Variants in MARCHF4 observed in about 807,000 individuals in gnomAD.
MARCHF4 encodes the protein membrane associated ring-CH-type finger 4, also known as E3 ubiquitin-protein ligase MARCHF4.
A neutral mutation model predicts 43.9 loss-of-function variants in MARCHF4; 14 were observed. The ratio of observed to expected loss-of-function variants is 0.32; its 90% CI spans 0.21 to 0.50. MARCHF4 has a LOEUF of 0.50. MARCHF4 is among the 20% of genes least tolerant of loss of function. The probability of loss-of-function intolerance (pLI) is 0.98; values close to 1 mark genes in which losing one functional copy is unlikely to be tolerated. For synonymous variants in MARCHF4, 226 were observed against 213.3 expected, an observed-to-expected ratio of 1.06 and a Z score of -0.52; for missense variants, 468 against 536.7, an observed-to-expected ratio of 0.87 and a Z score of 1.27.
chr2:216,359,246 C>T (rs957938693), intron 1 of MARCHF4, among the ~76,000 whole-genome samples: 1 of 152,202 alleles, frequency 6.6e-6, no homozygotes, highest in Non-Finnish European at 1.5e-5. Flanking sequence ...CTACCTCTGC[C>T]ATGGGTGACA....
chr2:216,283,641 C>CTTGATG lies in MARCHF4; in HGVS notation c.604_605insCATCAA (p.Cys202delinsSerSerSer). 1 of 1,613,776 alleles carries CTTGATG rather than the reference C, an allele frequency of 6.2e-7. No individual in the cohort carries two copies. The highest frequency in any genetic ancestry group is 8.5e-7 in the Non-Finnish European group (1 of 1,179,662). ...GTAGTAGCACAGCTCGCAGCTCCAG[C>CTTGATG]AGCCCCGCTCGCTGATCCACTTGAT... On this transcript the variant is annotated protein_altering_variant, in exon 2 of 4. Coordinates refer to ENST00000273067, the MANE Select transcript of MARCHF4 (RefSeq NM_020814.3).
Position 216,259,238 on chromosome 2 carries a change from G to A in MARCHF4, c.*74C>T. On this transcript the variant is annotated 3_prime_UTR_variant, in exon 4 of 4. Transcript: ENST00000273067. ...TGCCTGCTCCCTCTGTTGGCTCTGG[G>A]GGTGCCACTGCACCTCCCCACCCTG... is the stretch of plus-strand genomic sequence containing the variant. 6.7e-7 allele frequency: 1 copy of A among 1,491,116 alleles called. No individual in the cohort carries two copies. The highest frequency in any genetic ancestry group is 1.4e-5 in the South Asian group (1 of 69,090). The allele number at this position is 1,491,116 out of a possible 1,614,324, so 92.4% of individuals were successfully genotyped here. A position where few individuals can be genotyped will look rare whatever the true frequency, so the allele number is the denominator to read the frequency against.
In MARCHF4 at chr2:216,316,367, T is replaced by C. The variant is rs576394497; in HGVS notation, c.517-32638A>G. On this transcript the variant is annotated intron_variant, in intron 1 of 3. Coordinates refer to ENST00000273067, the MANE Select transcript of MARCHF4 (RefSeq NM_020814.3). ...ACGCCCCTTTCTAAAACGGAGGCCC[T>C]ATCTTCCTCCTAGTCCCTCTTGAAC... Among the ~76,000 whole-genome samples the C allele has an allele frequency of 1.8e-3, 272 of 152,298 alleles. 1 individual carries two copies. The highest frequency in any genetic ancestry group is 6.2e-3 in the African/African-American group (258 of 41,566).
At chr2:216,272,291 C>G (rs1223020123) in intron 3 of MARCHF4, among the ~76,000 whole-genome samples, 3 of 152,174 alleles carry the variant, frequency 2.0e-5, no homozygotes, top group South Asian at 4.1e-4. Flanking sequence ...CTCAATTTCT[C>G]AGGCTTCTCT....
intron 1 of MARCHF4, among the ~76,000 whole-genome samples, chr2:216,309,165 C>A (rs1417661780): frequency 6.6e-6 from 1 of 152,178 alleles, no homozygotes; most frequent in Non-Finnish European, 1.5e-5. Flanking sequence ...TCCCATGACA[C>A]TTTAAAGACG....
At chr2:216,369,448 G>A (rs114628161) in intron 1 of MARCHF4, among the ~76,000 whole-genome samples, 3 of 152,140 alleles carry the variant, frequency 2.0e-5, no homozygotes, top group East Asian at 1.9e-4. Context: ...TCTTCACTCC[G>A]TTGTTTCTAG....
At chr2:216,368,257 C>T (rs1692697710) in intron 1 of MARCHF4, among the ~76,000 whole-genome samples, 1 of 152,190 alleles carries the variant, frequency 6.6e-6, no homozygotes, top group African/African-American at 2.4e-5. Flanking sequence ...GAGGCACCCT[C>T]TTGTTGTCAG....
intron 1 of MARCHF4, among the ~76,000 whole-genome samples, chr2:216,290,403 G>A (rs1289547345): frequency 1.3e-5 from 2 of 152,214 alleles, no homozygotes; most frequent in African/African-American, 4.8e-5. Flanking sequence ...TGTCTCTGGG[G>A]TAGAGTAGTT....
At chr2:216,326,809 T>G (rs1691999832) in intron 1 of MARCHF4, among the ~76,000 whole-genome samples, 1 of 97,776 alleles carries the variant, frequency 1.0e-5, no homozygotes. Flanking sequence ...TGAGGACTGT[T>G]GTGGGGTGGA....
chr2:216,356,221 T>C (rs1692500651), intron 1 of MARCHF4, among the ~76,000 whole-genome samples: 1 of 152,246 alleles, frequency 6.6e-6, no homozygotes, highest in South Asian at 2.1e-4. Flanking sequence ...TCCTTAACTC[T>C]GTTTAGATGC....
At chr2:216,354,919 CTTTCTTTCTTTCTTTCTTTCTTTCTTT>C (rs1692465792) in intron 1 of MARCHF4, among the ~76,000 whole-genome samples, 2 of 114,852 alleles carry the variant, frequency 1.7e-5, no homozygotes, top group Middle Eastern at 3.7e-3. Flanking sequence ...TTCTTTCTTT[CTTTCTTTCTTTCTTTCTTTCTTTCTTT>C]CTTTCTTTCT....
chr2:216,324,182 A>G (rs2105966020), intron 1 of MARCHF4, among the ~76,000 whole-genome samples: 1 of 147,982 alleles, frequency 6.8e-6, no homozygotes, highest in East Asian at 2.0e-4. Context: ...GAATACTACA[A>G]ACACCTCTAT....
chr2:216,276,167 G>C (rs113166915), intron 3 of MARCHF4, among the ~76,000 whole-genome samples: 3 of 152,362 alleles, frequency 2.0e-5, no homozygotes, highest in Admixed American at 6.5e-5. Context: ...ATCAGAGACT[G>C]ATCTAAAGCC....
intron 1 of MARCHF4, among the ~76,000 whole-genome samples, chr2:216,368,662 G>A (rs1040826679): frequency 6.6e-6 from 1 of 152,232 alleles, no homozygotes; most frequent in African/African-American, 2.4e-5. Context: ...CTTCCTCAAG[G>A]AGTATCCAGA....
Position 216,320,609 on chromosome 2 carries a change from TTCTTTCTTTCTTTCTTTCTTTCTTTC to T in MARCHF4, c.517-36906_517-36881del, listed in dbSNP as rs1230628184. ...AAGGTTGTAGAGCTATAGCCTCTTT[TTCTTTCTTTCTTTCTTTCTTTCTTTC>T]TTTCTTTCTTTCTTTCTTTCTTTCT... On this transcript the variant is annotated intron_variant, in intron 1 of 3. Transcript: ENST00000273067. Among the ~76,000 whole-genome samples the T allele has an allele frequency of 2.0e-4, 7 of 35,452 alleles. No individual in the cohort carries two copies. The East Asian group carries it at 3.0e-3, about 15-fold the overall frequency. 23.3% of individuals were successfully genotyped at this position (35,452 alleles called of 152,430 possible). A position where few individuals can be genotyped will look rare whatever the true frequency, so the allele number is the denominator to read the frequency against.
chr2:216,273,894 G>A (rs1690979828), intron 3 of MARCHF4, among the ~76,000 whole-genome samples: 1 of 152,214 alleles, frequency 6.6e-6, no homozygotes, highest in Non-Finnish European at 1.5e-5. Context: ...TTCATGGGTG[G>A]AGGCAGGAGG....
intron 1 of MARCHF4, among the ~76,000 whole-genome samples, chr2:216,320,647 CTTTCTTTCTTTCTTTCTTTCTTTCTTTCT>C (rs1275971903): frequency 1.3e-4 from 15 of 117,818 alleles, no homozygotes; most frequent in Admixed American, 5.2e-4. Context: ...TTCTTTCTTT[CTTTCTTTCTTTCTTTCTTTCTTTCTTTCT>C]TTTTTTTTTT....
chr2:216,369,066 C>T (rs1019840342), intron 1 of MARCHF4, among the ~76,000 whole-genome samples: 8 of 152,208 alleles, frequency 5.3e-5, no homozygotes, highest in African/African-American at 1.4e-4. Flanking sequence ...TTATTGCCTA[C>T]GTCAGTCTCT....
chr2:216,300,047 A>C (rs574096854), intron 1 of MARCHF4, among the ~76,000 whole-genome samples: 3 of 152,286 alleles, frequency 2.0e-5, no homozygotes, highest in African/African-American at 7.2e-5. Flanking sequence ...GTGGGTAGGC[A>C]TTACCCAAAG....
Sources: gnomAD v4.1 joint callset for allele counts (sites outside exome capture counted in the v4.1 genomes callset) on GRCh38, gnomAD v4.1.1 for gene constraint, MANE v1.5 for transcripts, NCBI Gene and HGNC (gene_info 2026-07-23, HGNC 2026-07-21) for gene names.